ARMC2: variants seen among roughly 807,000 people sequenced by gnomAD.
ARMC2 encodes the protein armadillo repeat-containing protein 2.
In ARMC2, 67 loss-of-function variants were observed where a neutral mutation model predicts 90.3. The ratio of observed to expected loss-of-function variants is 0.74; its 90% CI spans 0.61 to 0.91. The LOEUF (loss-of-function observed/expected upper bound fraction) is 0.91. ARMC2 is among the 40% of genes least tolerant of loss of function. The pLI is 0.00. For synonymous variants in ARMC2, 393 were observed against 393.0 expected (o/e 1.00, Z 0.00); for missense variants, 920 against 1,030.9 (o/e 0.89, Z 1.47).
chr6:108,933,597 G>A (rs983151273), intron 11 of ARMC2, among the ~76,000 whole-genome samples: 1 of 152,116 alleles, frequency 6.6e-6, no homozygotes, highest in African/African-American at 2.4e-5. Context: ...GTTTTCATAA[G>A]TACCCTTCTG....
rs142932256 is a variant in ARMC2, at chr6:108,891,234, T to C, written c.672-3233T>C. Among the ~76,000 whole-genome samples the C allele has an allele frequency of 4.2e-3, 640 of 152,370 alleles. 3 individuals carry two copies. The highest frequency in any genetic ancestry group is 0.014 in the African/African-American group (600 of 41,580). On this transcript the variant is annotated intron_variant, in intron 5 of 17. Transcript: ENST00000392644. ...CATACGTGTGCATGTGTCATTATAG[T>C]AGAATGATTTATAATCCTTTGGGTA...
At chr6:108,931,691 C>CTTTTTTTCCA (rs1432425391) in intron 11 of ARMC2, among the ~76,000 whole-genome samples, 1 of 151,162 alleles carries the variant, frequency 6.6e-6, no homozygotes, top group Non-Finnish European at 1.5e-5. Flanking sequence ...CTCTATGATA[C>CTTTTTTTCCA]TGAGCTTTTT....
the ARMC2 span, among the ~76,000 whole-genome samples, chr6:109,013,097 AG>A: frequency 0.098 from 14,859 of 151,468 alleles, 862 homozygotes; most frequent in Middle Eastern, 0.19. Flanking sequence ...GCCTGGCAAC[AG>A]GGAAAAAAAA....
chr6:108,848,871 CTG>C (rs1337263180), intron 1 of ARMC2: 1 of 152,194 alleles, frequency 6.6e-6, no homozygotes, highest in Non-Finnish European at 1.5e-5. Flanking sequence ...CGTCGTCCGC[CTG>C]TGTGTCCTCG....
chr6:108,873,436 G>T (rs1166820017), intron 4 of ARMC2, among the ~76,000 whole-genome samples: 1 of 152,098 alleles, frequency 6.6e-6, no homozygotes, highest in African/African-American at 2.4e-5. Context: ...GCTCACGCCT[G>T]TCCTGGGCCT....
chr6:108,942,243 A>AT (rs1464591467), intron 12 of ARMC2, among the ~76,000 whole-genome samples: 1 of 152,280 alleles, frequency 6.6e-6, no homozygotes, highest in African/African-American at 2.4e-5. Flanking sequence ...GTTAAAAAAT[A>AT]TTTTTTCTAG....
chr6:108,942,130 CAG>C (rs1776491711), intron 12 of ARMC2, among the ~76,000 whole-genome samples: 1 of 152,184 alleles, frequency 6.6e-6, no homozygotes, highest in South Asian at 2.1e-4. Flanking sequence ...CTAAACAACA[CAG>C]ACTTTGTCCT....
chr6:108,983,769 TC>T, the ARMC2 span, among the ~76,000 whole-genome samples: 1 of 152,236 alleles, frequency 6.6e-6, no homozygotes, highest in Non-Finnish European at 1.5e-5. Flanking sequence ...ATTCTCTACT[TC>T]CGTGAAAAAT....
At position 108,852,468 on chromosome 6, in the gene ARMC2, G is replaced by A. The variant is rs541438359; in HGVS notation, c.-43-1757G>A. Among the ~76,000 whole-genome samples the A allele has an allele frequency of 6.6e-5, 10 of 152,254 alleles. No homozygotes were observed. The South Asian group carries it at 2.1e-3, about 32-fold the overall frequency. On this transcript the variant is annotated intron_variant, in intron 1 of 17. Coordinates refer to ENST00000392644, the MANE Select transcript of ARMC2 (RefSeq NM_032131.6). ...CCCTGTATCTACATTGTTTCTATCA[G>A]TATAGTATTTGGTCAGTCTAAATTC...
chr6:109,017,782 CT>C, the ARMC2 span, among the ~76,000 whole-genome samples: 1 of 152,170 alleles, frequency 6.6e-6, no homozygotes, highest in East Asian at 1.9e-4. Flanking sequence ...GAAAACCTCT[CT>C]AGTTGTAATC....
intron 5 of ARMC2, among the ~76,000 whole-genome samples, chr6:108,876,919 C>T (rs1776996013): frequency 6.6e-6 from 1 of 152,146 alleles, no homozygotes; most frequent in Admixed American, 6.5e-5. Context: ...ATAGGGTTTC[C>T]TTGAGAATCA....
the ARMC2 span, chr6:108,990,569 G>T: frequency 7.8e-7 from 1 of 1,283,676 alleles, no homozygotes; most frequent in Non-Finnish European, 1.1e-6. Context: ...GTGTCTATGT[G>T]CATGTGCGCT....
At chr6:108,874,084 C>T (rs538136128) in intron 4 of ARMC2, among the ~76,000 whole-genome samples, 1 of 152,184 alleles carries the variant, frequency 6.6e-6, no homozygotes, top group African/African-American at 2.4e-5. Flanking sequence ...CGATCCATTA[C>T]AAAATTCATA....
chr6:108,955,882 GACTGCT>G (rs1777544177), intron 13 of ARMC2, among the ~76,000 whole-genome samples: 1 of 152,190 alleles, frequency 6.6e-6, no homozygotes, highest in Non-Finnish European at 1.5e-5. Flanking sequence ...CCAGGGATGG[GACTGCT>G]GCAGAATCAG....
At chr6:108,924,824 T>G (rs948547995) in intron 10 of ARMC2, among the ~76,000 whole-genome samples, 1 of 152,098 alleles carries the variant, frequency 6.6e-6, no homozygotes, top group African/African-American at 2.4e-5. Flanking sequence ...GGGGGCAAAC[T>G]GTGGAAGGAG....
the ARMC2 span, chr6:108,987,432 C>T: frequency 1.7e-6 from 1 of 571,626 alleles, no homozygotes; most frequent in South Asian, 2.7e-5. Flanking sequence ...AATCATGGCA[C>T]AATGGATTTC....
chr6:109,046,242 C>A, the ARMC2 span, among the ~76,000 whole-genome samples: 2 of 150,632 alleles, frequency 1.3e-5, no homozygotes, highest in Non-Finnish European at 3.0e-5. Flanking sequence ...TGCAGGCACG[C>A]GCCGCCACGC....
intron 10 of ARMC2, among the ~76,000 whole-genome samples, 179 bp downstream of exon 10, chr6:108,912,737 C>T (rs1773564755): frequency 6.6e-6 from 1 of 152,222 alleles, no homozygotes; most frequent in Non-Finnish European, 1.5e-5. Flanking sequence ...TTGTCCTGGA[C>T]AGGCTATTCC....
At chr6:109,012,705 A>G in the ARMC2 span, among the ~76,000 whole-genome samples, 3 of 152,174 alleles carry the variant, frequency 2.0e-5, no homozygotes, top group Admixed American at 1.3e-4. Context: ...TAAAAGATCT[A>G]GCATATGCAG....
Sources: gnomAD v4.1 joint callset for allele counts (sites outside exome capture counted in the v4.1 genomes callset) on GRCh38, gnomAD v4.1.1 for gene constraint, MANE v1.5 for transcripts, NCBI Gene and HGNC (gene_info 2026-07-23, HGNC 2026-07-21) for gene names.